RPRD2: variants seen among roughly 807,000 people sequenced by gnomAD.
RPRD2 encodes regulation of nuclear pre-mRNA domain containing 2.
Under a neutral mutation model 104.4 loss-of-function variants are expected in RPRD2, and 12 were observed. The observed-to-expected ratio is 0.11, with a 90% confidence interval of 0.07 to 0.19. The LOEUF is 0.19. Among genes scored for constraint, RPRD2 ranks in the 10% least tolerant of loss-of-function variants. The pLI, the probability that RPRD2 is intolerant of heterozygous loss-of-function variation, is 1.00. For synonymous variants in RPRD2, 714 were observed against 684.9 expected (o/e 1.04, Z -0.66); for missense variants, 1,543 against 1,790.1 (o/e 0.86, Z 2.49).
At chr1:150,383,250 C>T (rs1661279007) in intron 1 of RPRD2, among the ~76,000 whole-genome samples, 1 of 151,712 alleles carries the variant, frequency 6.6e-6, no homozygotes, top group East Asian at 1.9e-4. Context: ...TTGCCTTGAC[C>T]TCCCAAAGTG....
chr1:150,396,092 A>G (rs1662498407), intron 1 of RPRD2, among the ~76,000 whole-genome samples: 1 of 151,966 alleles, frequency 6.6e-6, no homozygotes, highest in South Asian at 2.1e-4. Flanking sequence ...CCTGATCATT[A>G]GGGATGGTGA....
rs759535802 is a variant in RPRD2, at chr1:150,470,897, A to G, written c.1949A>G (p.Gln650Arg). ...CCACCTACTGAAGTTACCATCTGCCAATCTTCAGAGGTCTCCAAGCCAAAG... is the reference window on the plus strand; with the variant it reads ...CCACCTACTGAAGTTACCATCTGCCGATCTTCAGAGGTCTCCAAGCCAAAG... ...AAPPTEVTIC[Q>R]SSEVSKPKLE... Residue 650 changes from glutamine (Q) to arginine (R), a missense_variant, in exon 11 of 11, where the codon CAA (glutamine) becomes CGA (arginine). Coordinates refer to ENST00000369068, the MANE Select transcript of RPRD2 (RefSeq NM_015203.5). The G allele has an allele frequency of 2.8e-5, 45 of 1,613,870 alleles. No individual in the cohort carries two copies. The South Asian group carries it at 4.4e-4, about 16-fold the overall frequency.
At chr1:150,470,517 T>C in intron 10 of RPRD2, 44 bp from the exon 11 acceptor site, 1 of 1,574,242 alleles carries the variant, frequency 6.4e-7, no homozygotes, top group Non-Finnish European at 8.6e-7. Flanking sequence ...CATTGTATGA[T>C]AGGGAGTTGT....
chr1:150,370,300 A>G (rs1337970587), intron 1 of RPRD2, among the ~76,000 whole-genome samples: 2 of 152,188 alleles, frequency 1.3e-5, no homozygotes, highest in Non-Finnish European at 2.9e-5. Flanking sequence ...CGGTCACTTA[A>G]TACTGGATGA....
intron 1 of RPRD2, among the ~76,000 whole-genome samples, chr1:150,388,637 TG>T (rs1661826918): frequency 6.7e-6 from 1 of 148,320 alleles, no homozygotes; most frequent in African/African-American, 2.5e-5. Flanking sequence ...TTTTTTGAGA[TG>T]GAGTCTCACT....
intron 7 of RPRD2, among the ~76,000 whole-genome samples, chr1:150,451,155 A>T (rs1377406450): frequency 6.6e-6 from 1 of 152,080 alleles, no homozygotes; most frequent in Non-Finnish European, 1.5e-5. Flanking sequence ...AATGTTTCCC[A>T]GTTTGAGTTT....
chr1:150,382,032 G>C (rs1271289455), intron 1 of RPRD2, among the ~76,000 whole-genome samples: 1 of 152,168 alleles, frequency 6.6e-6, no homozygotes, highest in East Asian at 1.9e-4. Context: ...CAAACTACCT[G>C]ACATTTAGAA....
rs587743967 is a variant in RPRD2 at position 150,465,749 on chromosome 1, G to A, written c.1612+1022G>A. 4.2e-5 allele frequency among the ~76,000 whole-genome samples: 6 copies of A among 143,048 alleles called. No homozygotes were observed. The South Asian group carries it at 1.3e-3, about 30-fold the overall frequency. The allele number at this position is 143,048 out of a possible 152,430, so 93.8% of individuals were successfully genotyped here. A position where few individuals can be genotyped will look rare whatever the true frequency, so the allele number is the denominator to read the frequency against. On this transcript the variant is annotated intron_variant, in intron 10 of 10. Transcript: ENST00000369068. ...TGTTAACCAAAGCTGAAGACAGTAG[G>A]AAGGGTCCATTTATTATCAAAAAAT...
At chr1:150,403,076 A>G (rs1019458684) in intron 1 of RPRD2, among the ~76,000 whole-genome samples, 1 of 152,216 alleles carries the variant, frequency 6.6e-6, no homozygotes. Flanking sequence ...GTGTATTCAT[A>G]GTGAAATCTT....
chr1:150,417,910 T>TTCTCTC lies in RPRD2; in HGVS notation c.335+193_335+198dup, dbSNP rs140431392. On this transcript the variant is annotated intron_variant, in intron 2 of 10. Transcript: ENST00000369068. Reference sequence around the variant, plus strand: ...TTCTTTCTTTTCTTTTCTTTTCTTTTTCTCTCTCTCTCTTTCTTTCTTTCT... The same window carrying TTCTCTC: ...TTCTTTCTTTTCTTTTCTTTTCTTTTTCTCTCTCTCTCTCTCTCTTTCTTTCTTTCT... 1.8e-3 allele frequency among the ~76,000 whole-genome samples: 271 copies of TTCTCTC among 150,706 alleles called. 2 individuals are homozygous for TTCTCTC. The highest frequency in any genetic ancestry group is 6.1e-3 in the African/African-American group (251 of 40,996).
rs1659676077 is a variant in RPRD2 at position 150,364,550 on chromosome 1, C to G, written c.-165C>G. ...GCCAGCGTGCCCAGCAGCTGGTGTT[C>G]CCGTCCGTACCTCCAGAAGAGCCCA... On this transcript the variant is annotated 5_prime_UTR_variant, in exon 1 of 11. Coordinates refer to ENST00000369068, the MANE Select transcript of RPRD2 (RefSeq NM_015203.5). 1 of 568,030 alleles carries G rather than the reference C, an allele frequency of 1.8e-6. No individual in the cohort carries two copies. The allele number at this position is 568,030 out of a possible 1,614,324, so 35.2% of individuals were successfully genotyped here.
rs587716712 is a variant in RPRD2 at position 150,376,501 on chromosome 1, CT to C, written c.205+11595del. Reference sequence around the variant, plus strand: ...GTTTTAGAGTGTAGCATGATACAGTCTTTTTTTTTTTTTGAGACGGAATCTT... The same window carrying C: ...GTTTTAGAGTGTAGCATGATACAGTCTTTTTTTTTTTTGAGACGGAATCTT... On this transcript the variant is annotated intron_variant, in intron 1 of 10. Transcript: ENST00000369068. Among the ~76,000 whole-genome samples, 173 of 144,304 alleles carry C rather than the reference CT, an allele frequency of 1.2e-3. 1 individual carries two copies. The highest frequency in any genetic ancestry group is 1.2e-3 in the Admixed American group (17 of 14,450). The allele number at this position is 144,304 out of a possible 152,430, so 94.7% of individuals were successfully genotyped here.
chr1:150,379,435 T>C (rs1660966666), intron 1 of RPRD2, among the ~76,000 whole-genome samples: 2 of 152,032 alleles, frequency 1.3e-5, no homozygotes, highest in Non-Finnish European at 2.9e-5. Context: ...CGAGTTTTGC[T>C]TTTGTTACCT....
At position 150,472,080 on chromosome 1, in the gene RPRD2, C is replaced by T. The variant is rs1274778636; in HGVS notation, c.3132C>T (p.Leu1044=). The change falls in exon 11 of 11, where the codon CTC becomes CTT. Residue 1044 remains leucine (L), a synonymous_variant. Coordinates refer to ENST00000369068, the MANE Select transcript of RPRD2 (RefSeq NM_015203.5). The stretch of plus-strand genomic sequence containing the variant: ...GTGATGGTGTCAGTCTCTCAAACCT[C>T]ACCCAACCCAGCTTGACCGCCACTG... The part of the protein sequence containing the change: ...TPSDGVSLSN[L]TQPSLTATDQ... The T allele has an allele frequency of 1.2e-6, 2 of 1,613,850 alleles. No individual in the cohort carries two copies. Among genetic ancestry groups the T allele is most frequent in the Non-Finnish European group, 1.7e-6 (2 of 1,179,892 alleles).
At chr1:150,414,800 C>T (rs587663699) in intron 1 of RPRD2, among the ~76,000 whole-genome samples, 1 of 152,132 alleles carries the variant, frequency 6.6e-6, no homozygotes, top group South Asian at 2.1e-4. Context: ...TGCATAAGTG[C>T]AATAAAAGAG....
rs774486277 is a variant in RPRD2 at position 150,472,682 on chromosome 1, C to T, written c.3734C>T (p.Thr1245Ile). 8 of 1,613,886 alleles carry T rather than the reference C, an allele frequency of 5.0e-6. No homozygotes were observed. The highest frequency in any genetic ancestry group is 6.8e-6 in the Non-Finnish European group (8 of 1,179,780). Residue 1245 changes from threonine to isoleucine, a missense_variant, in exon 11 of 11, where the codon ACA becomes ATA. Thr to Ile is a moderately conservative substitution (Grantham distance 89). Transcript: ENST00000369068. ...TCTGTGGATCTTTCGAACCCCTTCACAAAGGAGGCAGCCCTGGCCCATGCT... is the reference window on the plus strand; with the variant it reads ...TCTGTGGATCTTTCGAACCCCTTCATAAAGGAGGCAGCCCTGGCCCATGCT... Reference protein sequence around the residue: ...LPSVDLSNPFTKEAALAHAAP... With the variant: ...LPSVDLSNPFIKEAALAHAAP...
chr1:150,443,832 C>T (rs868952918), intron 5 of RPRD2, among the ~76,000 whole-genome samples: 11 of 147,800 alleles, frequency 7.4e-5, no homozygotes, highest in East Asian at 2.0e-4. Flanking sequence ...GGTGAAACCC[C>T]GTCTCTACTA....
At chr1:150,468,049 C>T (rs1244594507) in intron 10 of RPRD2, among the ~76,000 whole-genome samples, 1 of 152,018 alleles carries the variant, frequency 6.6e-6, no homozygotes, top group African/African-American at 2.4e-5. Context: ...GTAACCCCAA[C>T]TACTTGGGAG....
chr1:150,369,441 A>ATTTTTTTTTTTT (rs58054758), intron 1 of RPRD2, among the ~76,000 whole-genome samples: 2 of 57,500 alleles, frequency 3.5e-5, no homozygotes, highest in Non-Finnish European at 6.4e-5. Flanking sequence ...CACCTGGCTA[A>ATTTTTTTTTTTT]TTTTTTTTTT....
Sources: allele counts gnomAD v4.1 joint callset (sites outside exome capture counted in the v4.1 genomes callset), GRCh38; gene constraint gnomAD v4.1.1; transcripts MANE v1.5; gene names NCBI Gene and HGNC (gene_info 2026-07-23, HGNC 2026-07-21).